Variants in ATP9A observed in about 807,000 individuals in gnomAD.
ATP9A encodes the protein probable phospholipid-transporting ATPase IIA.
ATP9A carries 52 observed loss-of-function variants against 144.1 expected under a neutral mutation model. That is an observed-to-expected ratio of 0.36 (90% confidence interval 0.29 to 0.45). The LOEUF (loss-of-function observed/expected upper bound fraction) is 0.45, where lower values mean the gene tolerates loss of function less well. Among genes scored for constraint, ATP9A ranks in the 20% least tolerant of loss-of-function variants. The pLI is 1.00. For missense variants in ATP9A, 947 were observed against 1,392.7 expected (o/e 0.68, Z 5.09); for synonymous variants, 582 against 557.4 (o/e 1.04, Z -0.62).
intron 9 of ATP9A, among the ~76,000 whole-genome samples, chr20:51,681,533 T>A (rs1313936617): frequency 1.3e-5 from 2 of 151,800 alleles, no homozygotes; most frequent in Non-Finnish European, 2.9e-5. Flanking sequence ...GCAATTCTCC[T>A]GCCTCAGCCT....
chr20:51,751,936 A>G (rs1402313140), intron 1 of ATP9A, among the ~76,000 whole-genome samples: 3 of 152,106 alleles, frequency 2.0e-5, no homozygotes, highest in Non-Finnish European at 4.4e-5. Flanking sequence ...GCCAGTATTT[A>G]CTGAGCACCT....
intron 1 of ATP9A, among the ~76,000 whole-genome samples, chr20:51,767,073 CTT>C (rs10574254): frequency 0.011 from 1,483 of 140,726 alleles, 20 homozygotes; most frequent in African/African-American, 0.033. Context: ...CAGCACCATT[CTT>C]TTTTTTTTTT....
chr20:51,643,769 A>G (rs2077330257), intron 14 of ATP9A, among the ~76,000 whole-genome samples: 1 of 152,202 alleles, frequency 6.6e-6, no homozygotes, highest in Non-Finnish European at 1.5e-5. Context: ...AACTTTCAAT[A>G]TAGCCCTGTT....
chr20:51,625,465 G>C, intron 17 of ATP9A, 103 bp from the exon 18 acceptor site: 1 of 1,357,486 alleles, frequency 7.4e-7, no homozygotes, highest in Non-Finnish European at 9.9e-7. Context: ...CCCACCACAC[G>C]GGGTGGGGGA....
At chr20:51,656,234 AT>A (rs1321155786) in intron 14 of ATP9A, among the ~76,000 whole-genome samples, 7 of 145,488 alleles carry the variant, frequency 4.8e-5, no homozygotes, top group African/African-American at 1.3e-4. Context: ...AAAAAAAAAA[AT>A]CCCAAAATAT....
At chr20:51,722,190 C>T (rs1407399430) in intron 3 of ATP9A, among the ~76,000 whole-genome samples, 2 of 152,268 alleles carry the variant, frequency 1.3e-5, no homozygotes, top group South Asian at 4.1e-4. Context: ...AAAAAATCAA[C>T]TCAAGATGGA....
At chr20:51,621,696 A>C (rs568504769) in intron 19 of ATP9A, among the ~76,000 whole-genome samples, 187 of 152,186 alleles carry the variant, frequency 1.2e-3, no homozygotes, top group Non-Finnish European at 2.5e-3. Context: ...TTTCTTATCC[A>C]AGGACTTGAC....
rs567415124 is a variant in ATP9A, at chr20:51,600,975, T to A, written c.*236A>T. 2.7e-6 allele frequency: 1 copy of A among 368,762 alleles called. No individual in the cohort carries two copies. Among genetic ancestry groups the A allele is most frequent in the Admixed American group, 4.3e-5 (1 of 22,994 alleles). The allele number at this position is 368,762 out of a possible 1,614,324, so 22.8% of individuals were successfully genotyped here. A position where few individuals can be genotyped will look rare whatever the true frequency, so the allele number is the denominator to read the frequency against. ...GCCACCAGCTTTAACATATTCATAT[T>A]CACCTAAACATGAAGAACGAGGGGT... is the stretch of plus-strand genomic sequence containing the variant. On this transcript the variant is annotated 3_prime_UTR_variant, in exon 28 of 28. Transcript: ENST00000338821.
intron 1 of ATP9A, among the ~76,000 whole-genome samples, chr20:51,733,970 GCC>G (rs2077752974): frequency 6.6e-6 from 1 of 151,772 alleles, no homozygotes; most frequent in African/African-American, 2.4e-5. Flanking sequence ...ACCATGCCTG[GCC>G]CCTCATGCCT....
chr20:51,628,885 C>A, intron 16 of ATP9A, 95 bp downstream of exon 16: 2 of 1,038,238 alleles, frequency 1.9e-6, no homozygotes, highest in South Asian at 1.4e-5. Context: ...ACACAGCCAC[C>A]GATAACAAAT....
chr20:51,729,933 G>A lies in ATP9A; in HGVS notation c.114C>T (p.Pro38=). 8.8e-6 allele frequency: 14 copies of A among 1,588,994 alleles called. No individual in the cohort carries two copies. Among genetic ancestry groups the A allele is most frequent in the Non-Finnish European group, 1.0e-5 (12 of 1,171,632 alleles). The change falls in exon 2 of 28, where the codon CCC becomes CCT. Residue 38 remains proline, a synonymous_variant. Transcript: ENST00000338821. ...LRCCGGGEAR[P]RTVWLGHPEK... Reference sequence around the variant, plus strand: ...CGGGGTGCCCCAGCCAGACAGTGCGGGGCCTGGCCTCCCCTCCACCGCAGC... The same window carrying A: ...CGGGGTGCCCCAGCCAGACAGTGCGAGGCCTGGCCTCCCCTCCACCGCAGC...
rs1383713923 is a variant in ATP9A at position 51,625,373 on chromosome 20, C to A, written c.1846-11G>T. ...CTGGACGTAGCGGGCCTGGGACACA[C>A]CAGCAGATGCAGTCACTGCTTAGGG... On this transcript the variant is annotated splice_polypyrimidine_tract_variant and intron_variant, in intron 17 of 27. Transcript: ENST00000338821. 1 of 1,609,284 alleles carries A rather than the reference C, an allele frequency of 6.2e-7. No individual in the cohort carries two copies. Among genetic ancestry groups the A allele is most frequent in the South Asian group, 1.1e-5 (1 of 90,404 alleles).
chr20:51,653,190 T>TG (rs2077374243), intron 14 of ATP9A, among the ~76,000 whole-genome samples: 1 of 151,394 alleles, frequency 6.6e-6, no homozygotes, highest in Non-Finnish European at 1.5e-5. Context: ...TTCTTTTTTT[T>TG]TTTCTCAATC....
At chr20:51,694,366 C>T (rs1440788712) in intron 6 of ATP9A, among the ~76,000 whole-genome samples, 1 of 152,122 alleles carries the variant, frequency 6.6e-6, no homozygotes, top group African/African-American at 2.4e-5. Flanking sequence ...GTCTGTAAAA[C>T]GTGGAGAAAC....
chr20:51,705,441 G>A (rs992953550), intron 4 of ATP9A, among the ~76,000 whole-genome samples: 1 of 152,150 alleles, frequency 6.6e-6, no homozygotes, highest in Non-Finnish European at 1.5e-5. Context: ...ATATCAGGTC[G>A]ATTTTTTATA....
At chr20:51,664,398 G>A (rs1451278442) in intron 13 of ATP9A, among the ~76,000 whole-genome samples, 2 of 151,964 alleles carry the variant, frequency 1.3e-5, no homozygotes, top group Non-Finnish European at 2.9e-5. Context: ...ACCAGCCTGG[G>A]CAAATGGTAA....
chr20:51,609,438 T>C (rs1396436675), intron 24 of ATP9A, among the ~76,000 whole-genome samples: 1 of 152,096 alleles, frequency 6.6e-6, no homozygotes, highest in African/African-American at 2.4e-5. Flanking sequence ...TAACCAGAAG[T>C]GGCCTCAGCT....
chr20:51,632,088 G>C (rs1448937748), intron 15 of ATP9A, among the ~76,000 whole-genome samples: 2 of 150,928 alleles, frequency 1.3e-5, no homozygotes, highest in East Asian at 3.9e-4. Flanking sequence ...TTATTTTTTT[G>C]AGACAGGGTC....
chr20:51,705,019 C>A (rs1467251229), intron 4 of ATP9A, among the ~76,000 whole-genome samples: 1 of 152,140 alleles, frequency 6.6e-6, no homozygotes, highest in Non-Finnish European at 1.5e-5. Flanking sequence ...CCATACCATT[C>A]TCTTCTTTAA....
Sources: allele counts gnomAD v4.1 joint callset (sites outside exome capture counted in the v4.1 genomes callset), GRCh38; gene constraint gnomAD v4.1.1; transcripts MANE v1.5; gene names NCBI Gene and HGNC (gene_info 2026-07-23, HGNC 2026-07-21).